SLC2A14: variants seen among roughly 807,000 people sequenced by gnomAD.
The protein encoded by SLC2A14 is solute carrier family 2 member 14, also known as solute carrier family 2, facilitated glucose transporter member 14.
A neutral mutation model predicts 43.0 loss-of-function variants in SLC2A14; 13 were observed. That is an observed-to-expected ratio of 0.30 (90% CI 0.20 to 0.48). The LOEUF (loss-of-function observed/expected upper bound fraction) is 0.48, where lower values mean the gene tolerates loss of function less well. SLC2A14 is among the 20% of genes least tolerant of loss of function. The pLI is 0.99. For synonymous variants in SLC2A14, 190 were observed against 233.8 expected, an observed-to-expected ratio of 0.81 and a Z score of 1.71; for missense variants, 428 against 620.4, an observed-to-expected ratio of 0.69 and a Z score of 3.29.
At chr12:7,866,541 T>G (rs1389306856) in intron 2 of SLC2A14, among the ~76,000 whole-genome samples, 1 of 151,874 alleles carries the variant, frequency 6.6e-6, no homozygotes, top group East Asian at 1.9e-4. Flanking sequence ...ATTTTTATAT[T>G]TTTTAGTAGA....
At chr12:7,880,842 T>C (rs765460980) in intron 1 of SLC2A14, among the ~76,000 whole-genome samples, 6 of 150,418 alleles carry the variant, frequency 4.0e-5, no homozygotes, top group Non-Finnish European at 7.4e-5. Context: ...CTGTCTCTAC[T>C]AAAAATACAA....
chr12:7,833,817 A>G (rs1312353021), intron 2 of SLC2A14, among the ~76,000 whole-genome samples: 1 of 149,776 alleles, frequency 6.7e-6, no homozygotes, highest in Non-Finnish European at 1.5e-5. Flanking sequence ...GACATTTCTT[A>G]GTGGGGAGAA....
At chr12:7,825,179 G>C (rs1864233354) in intron 7 of SLC2A14, among the ~76,000 whole-genome samples, 1 of 152,018 alleles carries the variant, frequency 6.6e-6, no homozygotes. Context: ...TTAAGGTATA[G>C]GCTGGGCATG....
At chr12:7,827,270 CTTTTTTTT>C (rs71038780) in intron 7 of SLC2A14, among the ~76,000 whole-genome samples, 1 of 99,248 alleles carries the variant, frequency 1.0e-5, no homozygotes, top group Non-Finnish European at 1.9e-5. Context: ...TAATTTTTGT[CTTTTTTTT>C]TTTTTTTTTT....
chr12:7,866,049 T>A (rs1218429025), intron 2 of SLC2A14, among the ~76,000 whole-genome samples: 1 of 151,784 alleles, frequency 6.6e-6, no homozygotes, highest in Non-Finnish European at 1.5e-5. Flanking sequence ...AAACCCTGTC[T>A]CTACCAAAAA....
intron 1 of SLC2A14, chr12:7,871,282 T>C: frequency 1.5e-5 from 17 of 1,160,530 alleles, no homozygotes; most frequent in Non-Finnish European, 1.8e-5. Flanking sequence ...GGATGAGATG[T>C]ACTGGGAGGC....
At chr12:7,876,999 T>A (rs1945474381), upstream of SLC2A14, among the ~76,000 whole-genome samples, 1 of 142,544 alleles carries the variant, frequency 7.0e-6, no homozygotes, top group Non-Finnish European at 1.5e-5. Flanking sequence ...CTGAATAATT[T>A]TTTTTCTTTT....
chr12:7,832,941 C>A, intron 2 of SLC2A14, 127 bp from the exon 3 acceptor site: 2 of 815,694 alleles, frequency 2.5e-6, no homozygotes, highest in Non-Finnish European at 3.9e-6. Context: ...GGACAAACAT[C>A]AAACGAGATT....
At chr12:7,875,665 TAGTGTACTTATAAAAG>T (rs1565585969), upstream of SLC2A14, among the ~76,000 whole-genome samples, 1 of 152,030 alleles carries the variant, frequency 6.6e-6, no homozygotes, top group Admixed American at 6.6e-5. Context: ...TCAATGAGAT[TAGTGTACTTATAAAAG>T]AGACACCAGG....
In SLC2A14 at chr12:7,814,371, C is replaced by G; in HGVS notation, c.1439G>C (p.Gly480Ala). ...AHGADRSGKDGVMGMNSIEPA... is the reference protein window; with the variant it reads ...AHGADRSGKDAVMGMNSIEPA... ...CTCGATGCTGTTCATCCCCATGACG[C>G]CGTCCTTCCCAGATCTATCTGCACC... Residue 480 changes from glycine (G) to alanine (A), a missense_variant, in exon 11 of 11, where the codon GGC becomes GCC. Transcript: ENST00000431042. The G allele has an allele frequency of 3.1e-6, 5 of 1,611,336 alleles. No individual in the cohort carries two copies. Among genetic ancestry groups the G allele is most frequent in the Non-Finnish European group, 4.2e-6 (5 of 1,179,102 alleles).
intron 2 of SLC2A14, among the ~76,000 whole-genome samples, chr12:7,834,822 C>T (rs936867361): frequency 3.9e-5 from 6 of 152,128 alleles, no homozygotes; most frequent in Non-Finnish European, 8.8e-5. Flanking sequence ...CTGGGCTGGC[C>T]CCCAAAGCAA....
chr12:7,837,586 C>T (rs1449733216), intron 2 of SLC2A14, among the ~76,000 whole-genome samples: 5 of 135,590 alleles, frequency 3.7e-5, no homozygotes, highest in African/African-American at 1.1e-4. Context: ...TGCAGTCAGC[C>T]GAGCTTGCAC....
At chr12:7,834,549 G>T (rs1183126956) in intron 2 of SLC2A14, among the ~76,000 whole-genome samples, 1 of 93,358 alleles carries the variant, frequency 1.1e-5, no homozygotes, top group East Asian at 3.3e-4. Flanking sequence ...TTTTTTTTGA[G>T]ACCCCTTCTC....
chr12:7,822,037 G>A (rs1240203478), intron 7 of SLC2A14, among the ~76,000 whole-genome samples: 4 of 151,750 alleles, frequency 2.6e-5, no homozygotes, highest in African/African-American at 9.7e-5. Flanking sequence ...TGTTAGCCAG[G>A]ATGTTCTTGA....
intron 2 of SLC2A14, among the ~76,000 whole-genome samples, chr12:7,837,237 C>T (rs1474285950): frequency 6.6e-6 from 1 of 151,722 alleles, no homozygotes; most frequent in Non-Finnish European, 1.5e-5. Flanking sequence ...TATATCAAAA[C>T]ATCATGTGCA....
intron 5 of SLC2A14, among the ~76,000 whole-genome samples, chr12:7,829,291 T>C (rs1487862461): frequency 6.6e-6 from 1 of 152,048 alleles, no homozygotes; most frequent in East Asian, 1.9e-4. Context: ...CCGGGCACAG[T>C]GGCTCACACC....
At chr12:7,875,967 C>T (rs113689869), upstream of SLC2A14, among the ~76,000 whole-genome samples, 1,735 of 151,194 alleles carry the variant, frequency 0.011, 36 homozygotes, top group African/African-American at 0.039. Flanking sequence ...CAGAACAAGA[C>T]TTCGTCCCAG....
At chr12:7,887,596 GAT>G (rs1945709343) in intron 1 of SLC2A14, among the ~76,000 whole-genome samples, 1 of 144,306 alleles carries the variant, frequency 6.9e-6, no homozygotes, top group Non-Finnish European at 1.6e-5. Flanking sequence ...TAGATAGATA[GAT>G]AGATAGATAG....
intron 1 of SLC2A14, among the ~76,000 whole-genome samples, chr12:7,885,788 T>C (rs1945677756): frequency 6.6e-6 from 1 of 152,058 alleles, no homozygotes; most frequent in Non-Finnish European, 1.5e-5. Flanking sequence ...TAAGTGATGC[T>C]CATCGTGGAA....
Sources: allele counts gnomAD v4.1 joint callset (sites outside exome capture counted in the v4.1 genomes callset), GRCh38; gene constraint gnomAD v4.1.1; transcripts MANE v1.5; gene names NCBI Gene and HGNC (gene_info 2026-07-23, HGNC 2026-07-21).